Variants in ZCCHC7 observed in about 807,000 individuals in gnomAD.
The protein encoded by ZCCHC7 is zinc finger CCHC domain-containing protein 7.
ZCCHC7 carries 35 observed loss-of-function variants against 52.0 expected under a neutral mutation model. The ratio of observed to expected loss-of-function variants is 0.67; its 90% CI spans 0.51 to 0.89. The LOEUF (loss-of-function observed/expected upper bound fraction) is 0.89. Ranked by LOEUF, ZCCHC7 falls within the 40% of genes least tolerant of loss-of-function variation. ZCCHC7 has a pLI of 0.00. For synonymous variants in ZCCHC7, 217 were observed against 221.5 expected (o/e 0.98, Z 0.18); for missense variants, 574 against 649.1 (o/e 0.88, Z 1.26).
At chr9:37,346,024 C>T (rs926957781) in intron 6 of ZCCHC7, among the ~76,000 whole-genome samples, 1 of 151,982 alleles carries the variant, frequency 6.6e-6, no homozygotes. Context: ...TTTTTTGCGA[C>T]AGAGTTTCGC....
At chr9:37,306,040 G>A (rs1357243631) in intron 5 of ZCCHC7, among the ~76,000 whole-genome samples, 2 of 151,188 alleles carry the variant, frequency 1.3e-5, no homozygotes, top group Non-Finnish European at 2.9e-5. Flanking sequence ...TAAATAACAT[G>A]TAAAATTTGT....
chr9:37,150,738 C>G (rs1015496675), intron 2 of ZCCHC7, among the ~76,000 whole-genome samples: 1 of 152,036 alleles, frequency 6.6e-6, no homozygotes, highest in Admixed American at 6.5e-5. Flanking sequence ...CACTATAAAG[C>G]TCATATTTAA....
chr9:37,284,677 A>G (rs1828128265), intron 2 of ZCCHC7, among the ~76,000 whole-genome samples: 1 of 152,188 alleles, frequency 6.6e-6, no homozygotes, highest in African/African-American at 2.4e-5. Flanking sequence ...TTTTTTCTGT[A>G]TAAGGGAAAC....
At chr9:37,314,976 C>T (rs1829750580) in intron 5 of ZCCHC7, among the ~76,000 whole-genome samples, 1 of 151,550 alleles carries the variant, frequency 6.6e-6, no homozygotes, top group Non-Finnish European at 1.5e-5. Flanking sequence ...CTGGTCGAAC[C>T]CAATATGCAG....
chr9:37,203,929 A>G (rs571712349), intron 2 of ZCCHC7, among the ~76,000 whole-genome samples: 1 of 152,304 alleles, frequency 6.6e-6, no homozygotes, highest in East Asian at 1.9e-4. Flanking sequence ...CACTAGCAAT[A>G]TAAAAGCATT....
chr9:37,306,185 A>G (rs564664640), intron 5 of ZCCHC7, among the ~76,000 whole-genome samples: 1 of 151,912 alleles, frequency 6.6e-6, no homozygotes, highest in South Asian at 2.1e-4. Context: ...CTCCTGCCTC[A>G]GCCTCCCGAG....
chr9:37,129,358 A>T (rs1842676532), intron 2 of ZCCHC7, among the ~76,000 whole-genome samples: 1 of 152,228 alleles, frequency 6.6e-6, no homozygotes, highest in South Asian at 2.1e-4. Flanking sequence ...GAATTTTTGG[A>T]AATTAATTTA....
chr9:37,198,666 C>G lies in ZCCHC7; in HGVS notation c.610+71724C>G, dbSNP rs142781798. 1.6e-3 allele frequency among the ~76,000 whole-genome samples: 244 copies of G among 152,348 alleles called. 1 individual carries two copies. The highest frequency in any genetic ancestry group is 5.6e-3 in the African/African-American group (234 of 41,584). ...CATACTTATGTTGTCTTTGCCTCCT[C>G]TGTTCAAGTGGGAGGTCCTAATGAT... On this transcript the variant is annotated intron_variant, in intron 2 of 8. Coordinates refer to ENST00000336755, the MANE Select transcript of ZCCHC7 (RefSeq NM_032226.3).
chr9:37,215,142 A>G (rs891781784), intron 2 of ZCCHC7, among the ~76,000 whole-genome samples: 1 of 152,114 alleles, frequency 6.6e-6, no homozygotes, highest in African/African-American at 2.4e-5. Context: ...TAATTACCCA[A>G]ATGGCTTTGA....
At chr9:37,243,668 G>T (rs1263795743) in intron 2 of ZCCHC7, among the ~76,000 whole-genome samples, 1 of 151,898 alleles carries the variant, frequency 6.6e-6, no homozygotes, top group African/African-American at 2.4e-5. Context: ...TGTGGACTAT[G>T]CTAGAGGAGT....
At chr9:37,239,312 G>C (rs1174413453) in intron 2 of ZCCHC7, among the ~76,000 whole-genome samples, 1 of 152,028 alleles carries the variant, frequency 6.6e-6, no homozygotes, top group African/African-American at 2.4e-5. Context: ...GTGTTTACTA[G>C]TTTTCATTGT....
chr9:37,170,572 A>C (rs1821675153), intron 2 of ZCCHC7, among the ~76,000 whole-genome samples: 1 of 152,176 alleles, frequency 6.6e-6, no homozygotes, highest in Non-Finnish European at 1.5e-5. Flanking sequence ...TAGGGTTGGT[A>C]AGAGGAATTT....
rs116506409 is a variant in ZCCHC7 at position 37,330,422 on chromosome 9, T to G, written c.987+2588T>G. ...TCTAAAGGGTTCATGCTAATAAAAC[T>G]AAAAAGACTACATATACACAAACAT... is the stretch of plus-strand genomic sequence containing the variant. On this transcript the variant is annotated intron_variant, in intron 6 of 8. Coordinates refer to ENST00000336755, the MANE Select transcript of ZCCHC7 (RefSeq NM_032226.3). Among the ~76,000 whole-genome samples the G allele has an allele frequency of 3.4e-3, 522 of 151,728 alleles. 4 individuals are homozygous for G. The highest frequency in any genetic ancestry group is 0.012 in the African/African-American group (495 of 41,510).
intron 5 of ZCCHC7, among the ~76,000 whole-genome samples, chr9:37,326,611 T>G (rs2118131486): frequency 6.6e-6 from 1 of 152,044 alleles, no homozygotes; most frequent in Non-Finnish European, 1.5e-5. Context: ...TCTACTTTTT[T>G]GTCTAATCAC....
chr9:37,279,217 A>G (rs1827829747), intron 2 of ZCCHC7, among the ~76,000 whole-genome samples: 1 of 152,184 alleles, frequency 6.6e-6, no homozygotes, highest in Non-Finnish European at 1.5e-5. Flanking sequence ...GCAAAAAAAA[A>G]AAAGTAACAT....
At chr9:37,324,504 T>C (rs762393269) in intron 5 of ZCCHC7, among the ~76,000 whole-genome samples, 2 of 152,208 alleles carry the variant, frequency 1.3e-5, no homozygotes, top group Non-Finnish European at 2.9e-5. Flanking sequence ...TCTTAAACGA[T>C]CTAGGTCATG....
At chr9:37,282,878 T>TC (rs1250208069) in intron 2 of ZCCHC7, among the ~76,000 whole-genome samples, 1 of 148,610 alleles carries the variant, frequency 6.7e-6, no homozygotes, top group African/African-American at 2.5e-5. Context: ...GAATCTTTTT[T>TC]TTTTTTTTTT....
chr9:37,290,535 A>T (rs1051662385), intron 2 of ZCCHC7, among the ~76,000 whole-genome samples: 1 of 152,280 alleles, frequency 6.6e-6, no homozygotes, highest in South Asian at 2.1e-4. Flanking sequence ...ATGTCGCAGT[A>T]GTACCAGCTA....
At chr9:37,143,529 T>G (rs1479485564) in intron 2 of ZCCHC7, among the ~76,000 whole-genome samples, 1 of 151,398 alleles carries the variant, frequency 6.6e-6, no homozygotes, top group Non-Finnish European at 1.5e-5. Context: ...TAATATTCTG[T>G]GTATGAAAGA....
Sources: gnomAD v4.1 joint callset for allele counts (sites outside exome capture counted in the v4.1 genomes callset) on GRCh38, gnomAD v4.1.1 for gene constraint, MANE v1.5 for transcripts, NCBI Gene and HGNC (gene_info 2026-07-23, HGNC 2026-07-21) for gene names.